Variants in UBR1 observed in about 807,000 individuals in gnomAD.
UBR1 encodes E3 ubiquitin-protein ligase UBR1.
UBR1 carries 102 observed loss-of-function variants against 242.1 expected under a neutral mutation model. The ratio of observed to expected loss-of-function variants is 0.42; its 90% CI spans 0.36 to 0.50. The LOEUF (loss-of-function observed/expected upper bound fraction) is 0.50. UBR1 is among the 20% of genes least tolerant of loss of function. The pLI is 0.01. For missense variants in UBR1, 1,772 were observed against 2,101.8 expected, an observed-to-expected ratio of 0.84 and a Z score of 3.07; for synonymous variants, 675 against 684.8, an observed-to-expected ratio of 0.99 and a Z score of 0.22.
chr15:43,081,131 C>T (rs1233460061), intron 3 of UBR1, among the ~76,000 whole-genome samples: 1 of 151,884 alleles, frequency 6.6e-6, no homozygotes, highest in East Asian at 1.9e-4. Context: ...AGTTATAAGA[C>T]TTCCTGGCCA....
intron 41 of UBR1, 34 bp from the exon 42 acceptor site, chr15:42,964,077 A>C: frequency 7.1e-7 from 1 of 1,414,784 alleles, no homozygotes; most frequent in East Asian, 2.3e-5. Context: ...TAATAAGCAC[A>C]TTATTCTTAC....
chr15:43,004,640 C>G (rs1006740412), intron 30 of UBR1, among the ~76,000 whole-genome samples: 1 of 152,246 alleles, frequency 6.6e-6, no homozygotes, highest in Non-Finnish European at 1.5e-5. Context: ...CTCAGCCTCC[C>G]GAGGTGCCGG....
chr15:42,971,108 A>G (rs1305186668), intron 39 of UBR1, among the ~76,000 whole-genome samples: 1 of 152,214 alleles, frequency 6.6e-6, no homozygotes, highest in African/African-American at 2.4e-5. Context: ...ATAGGGCAGA[A>G]TCACTAAACA....
At chr15:43,021,082 A>T in intron 27 of UBR1, 193 bp downstream of exon 27, 1 of 510,834 alleles carries the variant, frequency 2.0e-6, no homozygotes, top group Non-Finnish European at 3.4e-6. Context: ...ACGACAAAAA[A>T]AATGAATAAA....
intron 21 of UBR1, among the ~76,000 whole-genome samples, chr15:43,029,082 C>T (rs2141309414): frequency 6.6e-6 from 1 of 151,200 alleles, no homozygotes; most frequent in South Asian, 2.1e-4. Context: ...GAGACTTCGT[C>T]TCAAGGAGAA....
intron 43 of UBR1, among the ~76,000 whole-genome samples, chr15:42,959,713 T>C (rs564521610): frequency 6.6e-6 from 1 of 152,362 alleles, no homozygotes; most frequent in African/African-American, 2.4e-5. Context: ...TACTCGAAGA[T>C]CTTTTCTTAG....
intron 35 of UBR1, among the ~76,000 whole-genome samples, chr15:42,985,989 CA>C (rs1230190123): frequency 3.8e-3 from 177 of 47,044 alleles, no homozygotes; most frequent in South Asian, 7.8e-3. Flanking sequence ...GACCCTGTCT[CA>C]AAAAAAAAAA....
At chr15:43,026,343 A>C (rs1386235229) in intron 23 of UBR1, 7 of 474,480 alleles carry the variant, frequency 1.5e-5, no homozygotes, top group African/African-American at 9.9e-5. Flanking sequence ...TCCTCTTCCC[A>C]AAACAGCTAT....
intron 12 of UBR1, among the ~76,000 whole-genome samples, chr15:43,049,786 G>A (rs2033531364): frequency 6.6e-6 from 1 of 152,102 alleles, no homozygotes; most frequent in Admixed American, 6.5e-5. Flanking sequence ...AAAGATTAAA[G>A]TTTAAAATCT....
At position 43,024,882 on chromosome 15, in the gene UBR1, C is replaced by T. The variant is rs769994336; in HGVS notation, c.2686G>A (p.Glu896Lys). 1.4e-5 allele frequency: 22 copies of T among 1,614,036 alleles called. No individual in the cohort carries two copies. In the African/African-American group the frequency reaches 2.7e-4, roughly 20 times the overall value. The change falls in exon 25 of 47, where the codon GAG (glutamate) becomes AAG (lysine). Residue 896 changes from glutamate (E) to lysine (K), a missense_variant. Glu to Lys is a moderately conservative substitution (Grantham distance 56). Around this residue, in one of 3 missense-constraint regions of UBR1, gnomAD observed 965 missense variants for 1,079.7 expected, o/e 0.89. Coordinates refer to ENST00000290650, the MANE Select transcript of UBR1 (RefSeq NM_174916.3). ...TTAGAATCTGTGTCTATTGCCCGCT[C>T]AAATACGGTCCTGAGAATGTACATC... ...IMMYILRTVFERAIDTDSNLW... is the reference protein window; with the variant it reads ...IMMYILRTVFKRAIDTDSNLW...
intron 14 of UBR1, 149 bp from the exon 15 acceptor site, chr15:43,043,544 C>A: frequency 1.4e-6 from 1 of 736,438 alleles, no homozygotes; most frequent in Non-Finnish European, 2.3e-6. Context: ...TGGGCTCAGT[C>A]ACCTGAGGTG....
At position 42,990,023 on chromosome 15, in the gene UBR1, TACTTACGAAG is replaced by T; in HGVS notation, c.3845_3848+6del. The T allele has an allele frequency of 6.3e-7, 1 of 1,598,218 alleles. No homozygotes were observed. The highest frequency in any genetic ancestry group is 8.6e-7 in the Non-Finnish European group (1 of 1,168,106). ...TACAAAGTTCTCTTAACTATTTAGA[TACTTACGAAG>T]ACTCAACGCCAAAACTCAGGATGGA... is the stretch of plus-strand genomic sequence containing the variant. On this transcript the variant is annotated splice_donor_variant and splice_donor_5th_base_variant and coding_sequence_variant and intron_variant, in exon 34 of 47. Transcript: ENST00000290650. LOFTEE classifies it high-confidence loss of function.
chr15:42,981,182 C>T (rs886154764), intron 37 of UBR1, among the ~76,000 whole-genome samples: 3 of 152,150 alleles, frequency 2.0e-5, no homozygotes, highest in Middle Eastern at 3.4e-3. Flanking sequence ...CAAAAAATTC[C>T]GATTACCTAA....
intron 14 of UBR1, among the ~76,000 whole-genome samples, chr15:43,045,548 G>A (rs925377315): frequency 2.0e-5 from 3 of 152,110 alleles, no homozygotes; most frequent in African/African-American, 7.2e-5. Context: ...AAACAGAAGT[G>A]ACACTGTAGC....
chr15:43,026,697 T>A (rs184768386), intron 22 of UBR1, 34 bp from the exon 23 acceptor site: 6 of 1,538,940 alleles, frequency 3.9e-6, no homozygotes, highest in Non-Finnish European at 5.4e-6. Context: ...TGAACTGCAG[T>A]GTTCTTGAAG....
chr15:43,021,363 G>A lies in UBR1; in HGVS notation c.2852C>T (p.Ser951Leu), dbSNP rs774761748. The A allele has an allele frequency of 6.2e-7, 1 of 1,613,554 alleles. No homozygotes were observed. Among genetic ancestry groups the A allele is most frequent in the Admixed American group, 1.7e-5 (1 of 60,020 alleles). ...CAAAAGCATTTGTATATTCATGGCTGAACTTCCCAATCCTTTTTTAAAACA... is the reference window on the plus strand; with the variant it reads ...CAAAAGCATTTGTATATTCATGGCTAAACTTCCCAATCCTTTTTTAAAACA... ...FYHKASRLGS[S>L]AMNIQMLLEK... is the part of the protein sequence containing the mutation. The change falls in exon 27 of 47, where the codon TCA becomes TTA. Residue 951 changes from serine (S) to leucine (L), a missense_variant. Transcript: ENST00000290650.
intron 22 of UBR1, among the ~76,000 whole-genome samples, chr15:43,027,083 A>G (rs1470976259): frequency 1.3e-5 from 2 of 152,108 alleles, no homozygotes; most frequent in Admixed American, 6.5e-5. Context: ...GTAATTTGCA[A>G]ATGAAAATAT....
intron 1 of UBR1, among the ~76,000 whole-genome samples, chr15:43,090,938 A>T (rs796313676): frequency 2.6e-5 from 4 of 152,120 alleles, no homozygotes; most frequent in African/African-American, 7.2e-5. Flanking sequence ...TTATTTATTT[A>T]TTTATTTTTA....
intron 44 of UBR1, among the ~76,000 whole-genome samples, chr15:42,955,028 G>C (rs2031896107): frequency 6.6e-6 from 1 of 152,108 alleles, no homozygotes; most frequent in South Asian, 2.1e-4. Flanking sequence ...TTAGCCAGGA[G>C]TGGTGGCGGG....
Sources: allele counts gnomAD v4.1 joint callset (sites outside exome capture counted in the v4.1 genomes callset), GRCh38; gene constraint gnomAD v4.1.1; regional missense constraint gnomAD v4.1.1; transcripts MANE v1.5; gene names NCBI Gene and HGNC (gene_info 2026-07-23, HGNC 2026-07-21).